SH2B2: variants seen among roughly 807,000 people sequenced by gnomAD.
The protein encoded by SH2B2 is SH2B adaptor protein 2, also known as SH2B adapter protein 2.
In SH2B2, 37 loss-of-function variants were observed where a neutral mutation model predicts 35.7. The ratio of observed to expected loss-of-function variants is 1.04; its 90% confidence interval spans 0.80 to 1.36. The LOEUF is 1.36. SH2B2 is among the 40% of genes most tolerant of loss of function. The pLI, the probability that SH2B2 is intolerant of heterozygous loss-of-function variation, is 0.00. For synonymous variants in SH2B2, 383 were observed against 376.4 expected (o/e 1.02, Z -0.20); for missense variants, 852 against 817.7 (o/e 1.04, Z -0.51).
intron 1 of SH2B2, among the ~76,000 whole-genome samples, chr7:102,293,985 G>T (rs182620605): frequency 1.3e-5 from 2 of 152,068 alleles, no homozygotes; most frequent in Non-Finnish European, 2.9e-5. Flanking sequence ...GAGATCAGAG[G>T]GGGAGAGCAG....
chr7:102,288,224 C>T (rs764868590), intron 1 of SH2B2, among the ~76,000 whole-genome samples: 2 of 152,038 alleles, frequency 1.3e-5, no homozygotes, highest in Non-Finnish European at 2.9e-5. Context: ...CTCTCCCAAC[C>T]TCTTCCCTCC....
chr7:102,300,466 A>T, intron 1 of SH2B2, 56 bp from the exon 2 acceptor site: 1 of 1,471,248 alleles, frequency 6.8e-7, no homozygotes, highest in South Asian at 1.4e-5. Context: ...AGGAGGGGAC[A>T]GGTGGGCGCA....
In SH2B2 at chr7:102,317,180, A is replaced by G. The variant is rs1586604152; in HGVS notation, c.1187-7A>G. On this transcript the variant is annotated splice_region_variant and splice_polypyrimidine_tract_variant and intron_variant, in intron 6 of 8. Transcript: ENST00000444095. ...CCATGTTCCTCACACTGTCATCCCC[A>G]CCTCAGGGGAACAGGGTGCAGAGAC... 6.3e-7 allele frequency: 1 copy of G among 1,581,566 alleles called. No individual in the cohort carries two copies. Among genetic ancestry groups the G allele is most frequent in the Non-Finnish European group, 8.6e-7 (1 of 1,161,304 alleles).
intron 2 of SH2B2, among the ~76,000 whole-genome samples, chr7:102,304,112 GATGCCCTGA>G (rs1420026480): frequency 6.6e-6 from 1 of 152,084 alleles, no homozygotes; most frequent in Non-Finnish European, 1.5e-5. Context: ...AGCCCCCTGG[GATGCCCTGA>G]ATGATACCCC....
rs1554553799 is a variant in SH2B2 at position 102,301,207 on chromosome 7, G to T, written c.657G>T (p.Gln219His). ...AAGSGGSAQW[Q>H]KCRLLLRRAV... ...GCTCCGGGGGCTCGGCTCAGTGGCAGAAGTGCCGCCTGCTCCTGCGCAGGG... is the reference window on the plus strand; with the variant it reads ...GCTCCGGGGGCTCGGCTCAGTGGCATAAGTGCCGCCTGCTCCTGCGCAGGG... The change falls in exon 2 of 9, where the codon CAG becomes CAT. Residue 219 changes from glutamine to histidine, a missense_variant. This residue lies in a region of SH2B2 where 556 missense variants were observed against 514.5 expected (regional missense o/e 1.08). Transcript: ENST00000444095. 6.3e-7 allele frequency: 1 copy of T among 1,593,882 alleles called. No homozygotes were observed. Among genetic ancestry groups the T allele is most frequent in the African/African-American group, 1.4e-5 (1 of 73,546 alleles).
chr7:102,313,358 G>C (rs1793698128), intron 4 of SH2B2, among the ~76,000 whole-genome samples: 1 of 151,816 alleles, frequency 6.6e-6, no homozygotes, highest in African/African-American at 2.4e-5. Flanking sequence ...TGAGGCAGGG[G>C]AATCACTTGA....
At chr7:102,311,170 G>C (rs536913463) in intron 4 of SH2B2, among the ~76,000 whole-genome samples, 37 of 152,068 alleles carry the variant, frequency 2.4e-4, no homozygotes, top group Non-Finnish European at 4.3e-4. Context: ...GCTCACTGCA[G>C]CCTCGACCTC....
chr7:102,286,415 G>A (rs1184761285), upstream of SH2B2, among the ~76,000 whole-genome samples: 2 of 152,222 alleles, frequency 1.3e-5, no homozygotes, highest in East Asian at 1.9e-4. Context: ...CGAAGCACCC[G>A]TCAGCGAGGG....
At chr7:102,312,928 G>C (rs1335319834) in intron 4 of SH2B2, among the ~76,000 whole-genome samples, 2 of 151,568 alleles carry the variant, frequency 1.3e-5, no homozygotes, top group African/African-American at 4.8e-5. Flanking sequence ...TTGGGAGTTT[G>C]AGATCAGCCT....
rs373149857 is a variant in SH2B2 at position 102,301,254 on chromosome 7, G to A, written c.704G>A (p.Arg235His). 2 of 1,604,520 alleles carry A rather than the reference G, an allele frequency of 1.2e-6. No homozygotes were observed. Among genetic ancestry groups the A allele is most frequent in the African/African-American group, 1.3e-5 (1 of 74,278 alleles). The change falls in exon 2 of 9, where the codon CGC becomes CAC. Residue 235 changes from arginine (R) to histidine (H), a missense_variant. Physicochemically the swap from Arg to His is conservative, Grantham distance 29 (BLOSUM62 0). Around this residue, in one of 3 missense-constraint regions of SH2B2, gnomAD observed 556 missense variants for 514.5 expected, o/e 1.08. Coordinates refer to ENST00000444095, the MANE Select transcript of SH2B2 (RefSeq NM_001359228.2). ...LRRAVAEERF[R>H]LEFFVPPKAS... Reference sequence around the variant, plus strand: ...AGGGCTGTGGCCGAGGAACGCTTCCGCCTGGAGTTCTTCGTGCCGCCCAAA... The same window carrying A: ...AGGGCTGTGGCCGAGGAACGCTTCCACCTGGAGTTCTTCGTGCCGCCCAAA...
upstream of SH2B2, among the ~76,000 whole-genome samples, chr7:102,286,563 G>A (rs1381231617): frequency 6.6e-6 from 1 of 152,002 alleles, no homozygotes; most frequent in African/African-American, 2.4e-5. Context: ...TCCCGCGCCT[G>A]GCCTGGGGCC....
chr7:102,304,801 C>G (rs782796846), intron 2 of SH2B2, among the ~76,000 whole-genome samples: 1 of 152,262 alleles, frequency 6.6e-6, no homozygotes, highest in Admixed American at 6.5e-5. Flanking sequence ...GGCCACACAC[C>G]GGGGTTAGCC....
intron 2 of SH2B2, 77 bp downstream of exon 2, chr7:102,301,356 C>T: frequency 6.7e-7 from 1 of 1,489,684 alleles, no homozygotes; most frequent in Non-Finnish European, 9.0e-7. Flanking sequence ...GTGCCAGGGA[C>T]TGCCTTTGGG....
At chr7:102,285,320 A>G, upstream of SH2B2, 4 of 1,185,686 alleles carry the variant, frequency 3.4e-6, no homozygotes, top group Non-Finnish European at 4.9e-6. Context: ...CAACCAGGCC[A>G]TGTATGGAGC....
Position 102,321,486 on chromosome 7 carries a change from C to G in SH2B2, c.1755C>G (p.Pro585=), listed in dbSNP as rs1490257778. Residue 585 remains proline (P), a synonymous_variant, in exon 9 of 9, where the codon CCC becomes CCG. Transcript: ENST00000444095. ...CGTCGGGGCCCGCCCCCCCGCGCCC[C>G]GTCGAGGGCCAGCTCAGCGCGCGGA... is the stretch of plus-strand genomic sequence containing the variant. ...SAASGPAPPR[P]VEGQLSARSR... 8 of 1,174,760 alleles carry G rather than the reference C, an allele frequency of 6.8e-6. No homozygotes were observed. Among genetic ancestry groups the G allele is most frequent in the Non-Finnish European group, 7.4e-6 (7 of 949,820 alleles). The allele number at this position is 1,174,760 out of a possible 1,614,324, so 72.8% of individuals were successfully genotyped here.
Position 102,321,284 on chromosome 7 carries a change from G to A in SH2B2, c.1568-15G>A. 1 of 1,367,476 alleles carries A rather than the reference G, an allele frequency of 7.3e-7. No individual in the cohort carries two copies. Among genetic ancestry groups the A allele is most frequent in the Non-Finnish European group, 9.4e-7 (1 of 1,066,548 alleles). 84.7% of individuals were successfully genotyped at this position (1,367,476 alleles called of 1,614,324 possible). ...CCCAGGTCCCCACTCACGCCCTGCCGTCGCCTTGTTGCAGAGCCGGGCCCC... is the reference window on the plus strand; with the variant it reads ...CCCAGGTCCCCACTCACGCCCTGCCATCGCCTTGTTGCAGAGCCGGGCCCC... On this transcript the variant is annotated splice_polypyrimidine_tract_variant and intron_variant, in intron 8 of 8. Transcript: ENST00000444095.
At chr7:102,286,692 C>T (rs555107964), upstream of SH2B2, among the ~76,000 whole-genome samples, 9 of 150,102 alleles carry the variant, frequency 6.0e-5, no homozygotes, top group African/African-American at 2.2e-4. Context: ...AGCCAGCAAG[C>T]ACCGGCCACC....
At position 102,317,411 on chromosome 7, in the gene SH2B2, G is replaced by C. The variant is rs1302303288; in HGVS notation, c.1395+16G>C. 9.7e-6 allele frequency: 15 copies of C among 1,547,936 alleles called. No homozygotes were observed. The highest frequency in any genetic ancestry group is 1.2e-5 in the Non-Finnish European group (14 of 1,139,776). ...CAAGGCCAAGGCAAGTGTGTGGGGG[G>C]CGCCATGGGGGTGCAGTGGCCAGCC... On this transcript the variant is annotated intron_variant, in intron 7 of 8. Coordinates refer to ENST00000444095, the MANE Select transcript of SH2B2 (RefSeq NM_001359228.2).
intron 4 of SH2B2, among the ~76,000 whole-genome samples, chr7:102,312,420 G>T (rs1793664093): frequency 6.6e-6 from 1 of 152,164 alleles, no homozygotes; most frequent in Non-Finnish European, 1.5e-5. Context: ...CTTAGGTTCA[G>T]CAAAGTATGG....
Sources: gnomAD v4.1 joint callset for allele counts (sites outside exome capture counted in the v4.1 genomes callset) on GRCh38, gnomAD v4.1.1 for gene constraint, gnomAD v4.1.1 regional missense constraint, MANE v1.5 for transcripts, NCBI Gene and HGNC (gene_info 2026-07-23, HGNC 2026-07-21) for gene names.